Variants in ANKS1B observed in about 807,000 individuals in gnomAD.
ANKS1B encodes the protein ankyrin repeat and sterile alpha motif domain containing 1B, also known as ankyrin repeat and sterile alpha motif domain-containing protein 1B.
ANKS1B carries 36 observed loss-of-function variants against 148.3 expected under a neutral mutation model. The observed-to-expected ratio is 0.24, with a 90% CI of 0.19 to 0.32. ANKS1B has a LOEUF of 0.32. Among genes scored for constraint, ANKS1B ranks in the 10% least tolerant of loss-of-function variants. ANKS1B has a pLI of 1.00. For synonymous variants in ANKS1B, 542 were observed against 560.8 expected (o/e 0.97, Z 0.47); for missense variants, 1,157 against 1,542.6 (o/e 0.75, Z 4.19).
At position 99,984,332 on chromosome 12, in the gene ANKS1B, C is replaced by G; in HGVS notation, c.-95G>C. The G allele has an allele frequency of 8.1e-7, 1 of 1,239,900 alleles. No homozygotes were observed. The highest frequency in any genetic ancestry group is 1.5e-5 in the South Asian group (1 of 67,838). The allele number at this position is 1,239,900 out of a possible 1,614,324, so 76.8% of individuals were successfully genotyped here. ...CCAAAATCCAGGGCCCTCTTCGCCC[C>G]ACCCTAAAATAATGCAAGAGCTTCA... On this transcript the variant is annotated 5_prime_UTR_variant, in exon 1 of 27. Transcript: ENST00000683438.
chr12:99,964,839 T>C (rs955321697), intron 1 of ANKS1B, among the ~76,000 whole-genome samples: 2 of 152,076 alleles, frequency 1.3e-5, no homozygotes, highest in East Asian at 3.8e-4. Context: ...GACAGCCTAG[T>C]GTGGGGTGAC....
intron 11 of ANKS1B, among the ~76,000 whole-genome samples, chr12:99,406,748 A>T (rs2094540533): frequency 6.9e-6 from 1 of 145,704 alleles, no homozygotes; most frequent in East Asian, 1.9e-4. Context: ...TTTTGAAAAG[A>T]TAAAATTGAC....
chr12:99,872,813 A>G (rs577710189), intron 1 of ANKS1B, among the ~76,000 whole-genome samples: 7 of 152,276 alleles, frequency 4.6e-5, no homozygotes, highest in Non-Finnish European at 8.8e-5. Flanking sequence ...ACTGAAAACT[A>G]TCTCTTTAGG....
chr12:99,675,447 C>T (rs1207794388), intron 8 of ANKS1B, among the ~76,000 whole-genome samples: 1 of 151,740 alleles, frequency 6.6e-6, no homozygotes, highest in Non-Finnish European at 1.5e-5. Context: ...ATATGTTGCA[C>T]TGTTTTAAAA....
At chr12:99,979,572 G>A (rs143712645) in intron 1 of ANKS1B, among the ~76,000 whole-genome samples, 28 of 152,212 alleles carry the variant, frequency 1.8e-4, no homozygotes, top group Middle Eastern at 3.4e-3. Context: ...CTTTAAATAA[G>A]TATGCATATC....
At chr12:99,626,699 T>C (rs1459137651) in intron 9 of ANKS1B, among the ~76,000 whole-genome samples, 1 of 152,160 alleles carries the variant, frequency 6.6e-6, no homozygotes, top group African/African-American at 2.4e-5. Flanking sequence ...AGGGCCTGAC[T>C]GGCATACATT....
intron 8 of ANKS1B, among the ~76,000 whole-genome samples, chr12:99,678,552 T>C (rs2098595470): frequency 6.6e-6 from 1 of 152,200 alleles, no homozygotes; most frequent in African/African-American, 2.4e-5. Context: ...ACCTGTTTAC[T>C]AAGAGAGCCC....
intron 17 of ANKS1B, among the ~76,000 whole-genome samples, chr12:98,958,580 C>T (rs571399845): frequency 3.3e-5 from 5 of 152,314 alleles, no homozygotes; most frequent in East Asian, 3.9e-4. Context: ...CATGTACACA[C>T]AATACACATA....
At chr12:99,210,802 C>A (rs1170001958) in intron 14 of ANKS1B, among the ~76,000 whole-genome samples, 1 of 152,142 alleles carries the variant, frequency 6.6e-6, no homozygotes, top group Non-Finnish European at 1.5e-5. Flanking sequence ...GTGCATACTC[C>A]AAACTCTTGG....
intron 5 of ANKS1B, among the ~76,000 whole-genome samples, chr12:99,780,282 CT>C (rs1043457723): frequency 2.6e-4 from 38 of 147,152 alleles, no homozygotes; most frequent in Middle Eastern, 3.5e-3. Flanking sequence ...CCTATGATAT[CT>C]TTTTTTTTTT....
intron 8 of ANKS1B, among the ~76,000 whole-genome samples, chr12:99,718,238 A>T (rs2057660912): frequency 6.6e-6 from 1 of 151,774 alleles, no homozygotes; most frequent in Non-Finnish European, 1.5e-5. Flanking sequence ...AGTTATCCCC[A>T]CCTGCCCAGT....
At chr12:98,747,210 T>G (rs991193806) in intron 26 of ANKS1B, among the ~76,000 whole-genome samples, 17 of 151,994 alleles carry the variant, frequency 1.1e-4, no homozygotes, top group African/African-American at 3.6e-4. Context: ...GGGACTCAAA[T>G]AACTCAATAG....
chr12:98,876,603 T>C (rs1331055270), intron 17 of ANKS1B, among the ~76,000 whole-genome samples: 1 of 152,190 alleles, frequency 6.6e-6, no homozygotes, highest in East Asian at 1.9e-4. Context: ...ATTGAATTTG[T>C]TGAATTCACA....
intron 25 of ANKS1B, among the ~76,000 whole-genome samples, chr12:98,765,491 T>G (rs2098468437): frequency 6.6e-6 from 1 of 151,914 alleles, no homozygotes; most frequent in Non-Finnish European, 1.5e-5. Flanking sequence ...CTTGAACTCC[T>G]GAGCTCAGGA....
At chr12:99,183,508 T>C (rs534770015) in intron 14 of ANKS1B, among the ~76,000 whole-genome samples, 2 of 152,006 alleles carry the variant, frequency 1.3e-5, no homozygotes, top group African/African-American at 4.8e-5. Flanking sequence ...CCAGGCGTGG[T>C]GGTGGTCGCC....
intron 15 of ANKS1B, among the ~76,000 whole-genome samples, chr12:99,144,986 T>G (rs2072493725): frequency 6.6e-6 from 1 of 152,048 alleles, no homozygotes; most frequent in Non-Finnish European, 1.5e-5. Context: ...GTGGCAGCCA[T>G]AGCAAACTGA....
At chr12:99,164,841 T>C (rs2077046124) in intron 14 of ANKS1B, among the ~76,000 whole-genome samples, 1 of 152,074 alleles carries the variant, frequency 6.6e-6, no homozygotes, top group Non-Finnish European at 1.5e-5. Flanking sequence ...TTAAAGAGTC[T>C]TTATTTAATA....
chr12:99,198,303 T>C (rs1340005694), intron 14 of ANKS1B, among the ~76,000 whole-genome samples: 6 of 152,208 alleles, frequency 3.9e-5, no homozygotes, highest in Non-Finnish European at 8.8e-5. Flanking sequence ...TACATTTTAA[T>C]AACTGCTTGT....
chr12:99,605,372 TAATAC>T (rs1252810480), intron 9 of ANKS1B, among the ~76,000 whole-genome samples: 2 of 151,988 alleles, frequency 1.3e-5, no homozygotes, highest in African/African-American at 4.8e-5. Context: ...TTCAAATATA[TAATAC>T]ATTATTGTTA....
Sources: gnomAD v4.1 joint callset for allele counts (sites outside exome capture counted in the v4.1 genomes callset) on GRCh38, gnomAD v4.1.1 for gene constraint, MANE v1.5 for transcripts, NCBI Gene and HGNC (gene_info 2026-07-23, HGNC 2026-07-21) for gene names.